Variants in MICU3 observed in about 807,000 individuals in gnomAD.
MICU3 encodes mitochondrial calcium uptake 3, also known as calcium uptake protein 3, mitochondrial.
MICU3 carries 62 observed loss-of-function variants against 66.5 expected under a neutral mutation model. The observed-to-expected ratio is 0.93, with a 90% CI of 0.76 to 1.15. MICU3 has a LOEUF of 1.15. MICU3 is among the 50% of genes most tolerant of loss of function. MICU3 has a pLI of 0.00. For synonymous variants in MICU3, 308 were observed against 240.7 expected (o/e 1.28, Z -2.59); for missense variants, 779 against 664.4 (o/e 1.17, Z -1.90).
intron 8 of MICU3, among the ~76,000 whole-genome samples, chr8:17,093,438 A>G (rs533148150): frequency 6.6e-6 from 1 of 151,950 alleles, no homozygotes; most frequent in South Asian, 2.1e-4. Flanking sequence ...TTTGAAAAGA[A>G]TGTGTATTTT....
intron 11 of MICU3, 101 bp from the exon 12 acceptor site, chr8:17,113,992 A>G: frequency 4.6e-6 from 3 of 656,270 alleles, no homozygotes; most frequent in South Asian, 2.4e-5. Flanking sequence ...CTTACAAGAT[A>G]CATTGCAAAT....
intron 9 of MICU3, among the ~76,000 whole-genome samples, chr8:17,101,711 T>C (rs963612304): frequency 7.2e-5 from 11 of 151,894 alleles, no homozygotes; most frequent in Admixed American, 5.3e-4. Flanking sequence ...TCACTAACTT[T>C]TGGTGTTCCT....
chr8:17,053,934 C>G (rs1816501385), intron 1 of MICU3, among the ~76,000 whole-genome samples: 1 of 152,114 alleles, frequency 6.6e-6, no homozygotes, highest in South Asian at 2.1e-4. Flanking sequence ...TTTCAGTTAT[C>G]TTTTAGCTCT....
chr8:17,044,758 G>A (rs1442600868), intron 1 of MICU3, among the ~76,000 whole-genome samples: 2 of 152,184 alleles, frequency 1.3e-5, no homozygotes, highest in Non-Finnish European at 1.5e-5. Flanking sequence ...AGAGATTATA[G>A]TGATTAAGGA....
the MICU3 span, among the ~76,000 whole-genome samples, chr8:17,137,473 A>G: frequency 5.8e-4 from 88 of 151,418 alleles, no homozygotes; most frequent in African/African-American, 2.1e-3. Context: ...AAGGAAGAAA[A>G]AAGTTTTATA....
intron 3 of MICU3, among the ~76,000 whole-genome samples, chr8:17,074,759 A>G (rs1820129153): frequency 6.6e-6 from 1 of 151,952 alleles, no homozygotes; most frequent in African/African-American, 2.4e-5. Context: ...TATTAACTAT[A>G]ATTTTTTTAA....
At chr8:17,137,925 C>T in the MICU3 span, among the ~76,000 whole-genome samples, 65,238 of 151,342 alleles carry the variant, frequency 0.43, 15,309 homozygotes, top group East Asian at 0.93. Flanking sequence ...CCATATTGGC[C>T]GGGATGGTCT....
chr8:17,031,966 G>T (rs557370627), intron 1 of MICU3, among the ~76,000 whole-genome samples: 1 of 152,316 alleles, frequency 6.6e-6, no homozygotes, highest in East Asian at 1.9e-4. Flanking sequence ...CCCTTAAGGA[G>T]AGGCACTGTG....
chr8:17,129,532 A>G, the MICU3 span, among the ~76,000 whole-genome samples: 4 of 152,228 alleles, frequency 2.6e-5, no homozygotes, highest in African/African-American at 9.6e-5. Flanking sequence ...TGAACCTAAT[A>G]GAAGATTGGA....
rs1803193488 is a variant in MICU3 at position 17,121,483 on chromosome 8, ATAC to A, written c.*1200_*1202del. The A allele has an allele frequency of 6.6e-6, 1 of 152,024 alleles. No homozygotes were observed. The highest frequency in any genetic ancestry group is 1.5e-5 in the Non-Finnish European group (1 of 67,760). The allele number at this position is 152,024 out of a possible 1,614,324, so 9.4% of individuals were successfully genotyped here. On this transcript the variant is annotated 3_prime_UTR_variant, in exon 15 of 15. Transcript: ENST00000318063. ...TTAAAAATGCTTAGTTTATACAAAG[ATAC>A]TACACAAAAATAGAACAATTAGTCT...
intron 1 of MICU3, among the ~76,000 whole-genome samples, chr8:17,049,120 T>C (rs1196364366): frequency 6.6e-6 from 1 of 152,186 alleles, no homozygotes; most frequent in Non-Finnish European, 1.5e-5. Flanking sequence ...GACTTTTCTC[T>C]TCGATGATGA....
chr8:17,111,656 A>G (rs972168572), intron 11 of MICU3, among the ~76,000 whole-genome samples: 10 of 152,128 alleles, frequency 6.6e-5, no homozygotes, highest in African/African-American at 2.4e-4. Flanking sequence ...TTAACTATTA[A>G]ATTTAGAACT....
At chr8:17,075,351 C>G (rs1247940664) in intron 3 of MICU3, among the ~76,000 whole-genome samples, 1 of 152,302 alleles carries the variant, frequency 6.6e-6, no homozygotes, top group Non-Finnish European at 1.5e-5. Flanking sequence ...CCCCAGAGGT[C>G]AAGCTCACTA....
At chr8:17,062,805 G>A (rs1818048070) in intron 1 of MICU3, among the ~76,000 whole-genome samples, 1 of 151,930 alleles carries the variant, frequency 6.6e-6, no homozygotes, top group South Asian at 2.1e-4. Context: ...CTTGAACCTG[G>A]GAGGTGGAGG....
chr8:17,111,839 G>A (rs181589371), intron 11 of MICU3, among the ~76,000 whole-genome samples: 1 of 152,266 alleles, frequency 6.6e-6, no homozygotes, highest in East Asian at 1.9e-4. Flanking sequence ...ATAAAGAGAT[G>A]CTTGAGACTG....
intron 11 of MICU3, among the ~76,000 whole-genome samples, chr8:17,109,757 A>T (rs183283398): frequency 2.2e-4 from 33 of 152,326 alleles, no homozygotes; most frequent in East Asian, 3.9e-4. Context: ...AAAAATTTTT[A>T]AAATGCCATG....
In MICU3 at chr8:17,082,296, C is replaced by T. The variant is rs551526148; in HGVS notation, c.694+556C>T. Among the ~76,000 whole-genome samples, 7 of 152,156 alleles carry T rather than the reference C, an allele frequency of 4.6e-5. No homozygotes were observed. The South Asian group carries it at 1.5e-3, about 32-fold the overall frequency. On this transcript the variant is annotated intron_variant, in intron 5 of 14. Coordinates refer to ENST00000318063, the MANE Select transcript of MICU3 (RefSeq NM_181723.3). ...CTGGCCTTTCTATTCCTTGAATTGCCGCCTCAGGGATTTGTACCTTCTGCT... is the reference window on the plus strand; with the variant it reads ...CTGGCCTTTCTATTCCTTGAATTGCTGCCTCAGGGATTTGTACCTTCTGCT...
At position 17,034,449 on chromosome 8, in the gene MICU3, A is replaced by G. The variant is rs185446046; in HGVS notation, c.381+6789A>G. On this transcript the variant is annotated intron_variant, in intron 1 of 14. Coordinates refer to ENST00000318063, the MANE Select transcript of MICU3 (RefSeq NM_181723.3). ...TCACATCTTATTATTTAAGAAACAC[A>G]TTTTGTAAGGCTATAGCTGCCATAG... Among the ~76,000 whole-genome samples the G allele has an allele frequency of 3.9e-5, 6 of 152,330 alleles. No homozygotes were observed. In the East Asian group the frequency reaches 9.6e-4, roughly 24 times the overall value.
intron 1 of MICU3, among the ~76,000 whole-genome samples, chr8:17,028,781 C>A (rs548609813): frequency 6.6e-6 from 1 of 152,258 alleles, no homozygotes; most frequent in Non-Finnish European, 1.5e-5. Flanking sequence ...ACCCTCAAAT[C>A]TCCACCCCCT....
Sources: allele counts gnomAD v4.1 joint callset (sites outside exome capture counted in the v4.1 genomes callset), GRCh38; gene constraint gnomAD v4.1.1; transcripts MANE v1.5; gene names NCBI Gene and HGNC (gene_info 2026-07-23, HGNC 2026-07-21).